The following PRPF18 variants were observed in gnomAD, a reference collection of about 807,000 sequenced individuals.
PRPF18 encodes pre-mRNA-splicing factor 18.
Under a neutral mutation model 46.5 loss-of-function variants are expected in PRPF18, and 38 were observed. The observed-to-expected ratio is 0.82, with a 90% CI of 0.63 to 1.07. The LOEUF is 1.07. PRPF18 is among the 50% of genes least tolerant of loss of function. PRPF18 has a pLI of 0.00. For missense variants in PRPF18, 263 were observed against 410.0 expected (o/e 0.64, Z 3.10); for synonymous variants, 152 against 146.7 (o/e 1.04, Z -0.26).
At chr10:13,617,926 C>A (rs2080369529) in intron 9 of PRPF18, among the ~76,000 whole-genome samples, 1 of 152,146 alleles carries the variant, frequency 6.6e-6, no homozygotes, top group African/African-American at 2.4e-5. Context: ...GTGTTTGAGG[C>A]AGACCCAGTG....
chr10:13,635,570 T>C (rs1213480509), downstream of PRPF18, among the ~76,000 whole-genome samples: 1 of 152,198 alleles, frequency 6.6e-6, no homozygotes, highest in Non-Finnish European at 1.5e-5. Flanking sequence ...TATTTTTTAA[T>C]TTTTTGATAA....
intron 9 of PRPF18, among the ~76,000 whole-genome samples, chr10:13,619,414 T>A (rs2080392899): frequency 6.6e-6 from 1 of 152,242 alleles, no homozygotes; most frequent in Non-Finnish European, 1.5e-5. Flanking sequence ...GGCAGAGTTG[T>A]CCCAAGGTGG....
intron 4 of PRPF18, among the ~76,000 whole-genome samples, chr10:13,607,639 C>G (rs1435233117): frequency 6.6e-6 from 1 of 152,188 alleles, no homozygotes. Flanking sequence ...TTGAACTCCT[C>G]TACTCAAGGG....
Position 13,623,688 on chromosome 10 carries a change from G to GTGGTTTGGTT in PRPF18, c.949-6565_949-6556dup, listed in dbSNP as rs138412407. Among the ~76,000 whole-genome samples the GTGGTTTGGTT allele has an allele frequency of 2.6e-5, 4 of 151,466 alleles. No individual in the cohort carries two copies. The East Asian group carries it at 7.8e-4, about 29-fold the overall frequency. ...CAAATCAAGGCAAAGAATTGTGATTGTGGTTTGGTTTGGTTTAGTTTTTGT... is the reference window on the plus strand; with the variant it reads ...CAAATCAAGGCAAAGAATTGTGATTGTGGTTTGGTTTGGTTTGGTTTGGTTTAGTTTTTGT... On this transcript the variant is annotated intron_variant, in intron 9 of 9. Transcript: ENST00000378572.
chr10:13,611,565 T>G (rs1564457368), intron 5 of PRPF18, 50 bp from the exon 6 acceptor site: 2 of 1,441,514 alleles, frequency 1.4e-6, no homozygotes, highest in Non-Finnish European at 9.8e-7. Context: ...TATATATGTT[T>G]AGTTGTTGCT....
At chr10:13,630,032 T>C (rs1356707259) in intron 9 of PRPF18, among the ~76,000 whole-genome samples, 1 of 152,242 alleles carries the variant, frequency 6.6e-6, no homozygotes, top group Non-Finnish European at 1.5e-5. Context: ...AAATTTGGGT[T>C]GTTACCAGTT....
intron 1 of PRPF18, among the ~76,000 whole-genome samples, chr10:13,587,665 A>G (rs2079896251): frequency 1.3e-5 from 2 of 152,180 alleles, no homozygotes; most frequent in Admixed American, 1.3e-4. Context: ...CGAACCCTTC[A>G]TCCAGATACG....
chr10:13,590,333 C>T (rs955820941), intron 1 of PRPF18, among the ~76,000 whole-genome samples: 3 of 151,198 alleles, frequency 2.0e-5, no homozygotes, highest in African/African-American at 4.9e-5. Context: ...CGGCCGGGCG[C>T]GGTGGCTCAC....
intron 4 of PRPF18, among the ~76,000 whole-genome samples, chr10:13,607,091 CTTAT>C (rs941075411): frequency 1.4e-4 from 22 of 152,032 alleles, no homozygotes; most frequent in African/African-American, 4.6e-4. Flanking sequence ...TCTTTCTTTC[CTTAT>C]TTATTTATTT....
intron 6 of PRPF18, among the ~76,000 whole-genome samples, chr10:13,612,991 T>C (rs755681460): frequency 6.6e-6 from 1 of 152,226 alleles, no homozygotes; most frequent in Non-Finnish European, 1.5e-5. Flanking sequence ...TGCTTTTTCT[T>C]GTGTGTACAG....
chr10:13,588,327 A>G (rs1202114664), intron 1 of PRPF18, among the ~76,000 whole-genome samples: 2 of 151,890 alleles, frequency 1.3e-5, no homozygotes, highest in Non-Finnish European at 2.9e-5. Context: ...GAATCACTTG[A>G]ACCCGGGAGG....
chr10:13,597,308 A>G lies in PRPF18; in HGVS notation c.67-150A>G, dbSNP rs559174656. On this transcript the variant is annotated intron_variant, in intron 1 of 9. Transcript: ENST00000378572. ...GTTGATGTGCTTGGGGAATCAATGT[A>G]TTCATCTCTGGAACCAAAAAATATT... The G allele has an allele frequency of 5.3e-6, 3 of 570,628 alleles. No individual in the cohort carries two copies. The East Asian group carries it at 9.0e-5, about 17-fold the overall frequency. 35.3% of individuals were successfully genotyped at this position (570,628 alleles called of 1,614,324 possible).
the PRPF18 span, chr10:13,644,828 C>G: frequency 6.6e-6 from 1 of 152,154 alleles, no homozygotes; most frequent in Non-Finnish European, 1.5e-5. Flanking sequence ...CTTTGTAGCT[C>G]TAACCATGAA....
the PRPF18 span, chr10:13,651,981 A>G: frequency 6.5e-7 from 1 of 1,536,290 alleles, no homozygotes; most frequent in Non-Finnish European, 9.0e-7. Context: ...TTCTCTGAAC[A>G]AAGGAAAGCA....
chr10:13,648,495 G>T, the PRPF18 span: 1 of 152,216 alleles, frequency 6.6e-6, no homozygotes. Flanking sequence ...ACTCCCGTGG[G>T]GGCCAGGGGA....
rs570236140 is a variant in PRPF18 at position 13,610,019 on chromosome 10, C to T, written c.364-20C>T. 4.4e-5 allele frequency: 70 copies of T among 1,575,520 alleles called. 1 individual carries two copies. In the South Asian group the frequency reaches 7.5e-4, roughly 17 times the overall value. ...TCTTCCTTTCATAACAGGTGTTCTT[C>T]CTTTTTTTGCTTTTCTTAGGGATTG... On this transcript the variant is annotated intron_variant, in intron 4 of 9. Coordinates refer to ENST00000378572, the MANE Select transcript of PRPF18 (RefSeq NM_003675.4).
At chr10:13,633,792 G>T (rs141497114), downstream of PRPF18, among the ~76,000 whole-genome samples, 105 of 152,288 alleles carry the variant, frequency 6.9e-4, no homozygotes, top group African/African-American at 2.5e-3. Flanking sequence ...GCAATCTATG[G>T]TATGGTGTCA....
chr10:13,647,590 T>C, the PRPF18 span: 53 of 152,206 alleles, frequency 3.5e-4, no homozygotes, highest in African/African-American at 1.3e-3. Flanking sequence ...ATAGTGAAAC[T>C]GCGGTGGTAT....
chr10:13,612,580 C>T (rs1589130482), intron 6 of PRPF18, among the ~76,000 whole-genome samples: 1 of 151,416 alleles, frequency 6.6e-6, no homozygotes, highest in South Asian at 2.1e-4. Context: ...CCACAGTGTC[C>T]CGCTGAATTT....
Sources: gnomAD v4.1 joint callset for allele counts (sites outside exome capture counted in the v4.1 genomes callset) on GRCh38, gnomAD v4.1.1 for gene constraint, MANE v1.5 for transcripts, NCBI Gene and HGNC (gene_info 2026-07-23, HGNC 2026-07-21) for gene names.